The following CADM1 variants were observed in gnomAD, a reference collection of about 807,000 sequenced individuals.
CADM1 encodes the protein TSLC-1.
A neutral mutation model predicts 53.1 loss-of-function variants in CADM1; 15 were observed. The observed-to-expected ratio is 0.28, with a 90% CI of 0.19 to 0.44. The LOEUF (loss-of-function observed/expected upper bound fraction) is 0.44. Among genes scored for constraint, CADM1 ranks in the 20% least tolerant of loss-of-function variants. The probability of loss-of-function intolerance (pLI) is 1.00; values close to 1 mark genes in which losing one functional copy is unlikely to be tolerated. For synonymous variants in CADM1, 281 were observed against 243.0 expected (o/e 1.16, Z -1.45); for missense variants, 434 against 611.3 (o/e 0.71, Z 3.06).
chr11:115,233,413 G>C (rs1175772957), intron 3 of CADM1, among the ~76,000 whole-genome samples: 1 of 152,138 alleles, frequency 6.6e-6, no homozygotes, highest in Non-Finnish European at 1.5e-5. Flanking sequence ...ACTTCAACTA[G>C]CTGTATCTTT....
intron 1 of CADM1, among the ~76,000 whole-genome samples, chr11:115,373,583 C>CAAAAAAAAAAAAAAAAAAAAAA (rs35059216): frequency 2.0e-5 from 1 of 48,830 alleles, no homozygotes; most frequent in Non-Finnish European, 3.6e-5. Context: ...GACTCTGTCT[C>CAAAAAAAAAAAAAAAAAAAAAA]AAAAAAAAAA....
intron 1 of CADM1, among the ~76,000 whole-genome samples, chr11:115,407,029 T>C (rs1219268346): frequency 6.6e-6 from 1 of 152,024 alleles, no homozygotes; most frequent in East Asian, 1.9e-4. Context: ...TGTAATCATC[T>C]AGTGTCGGGT....
chr11:115,348,714 A>C (rs1024495928), intron 1 of CADM1, among the ~76,000 whole-genome samples: 1 of 152,106 alleles, frequency 6.6e-6, no homozygotes, highest in Non-Finnish European at 1.5e-5. Flanking sequence ...CCAATCTTTA[A>C]TTTTCTTTAA....
chr11:115,286,863 G>A, intron 1 of CADM1, among the ~76,000 whole-genome samples: 1 of 152,184 alleles, frequency 6.6e-6, no homozygotes, highest in East Asian at 1.9e-4. Flanking sequence ...TGATTAAAGA[G>A]GCTCCAAAAG....
At chr11:115,231,252 T>C in intron 4 of CADM1, 101 bp downstream of exon 4, 1 of 1,300,934 alleles carries the variant, frequency 7.7e-7, no homozygotes, top group Non-Finnish European at 1.1e-6. Flanking sequence ...AAATGAATAC[T>C]TTTGTTTCAT....
intron 1 of CADM1, among the ~76,000 whole-genome samples, chr11:115,476,072 T>C (rs903339648): frequency 6.6e-6 from 1 of 152,138 alleles, no homozygotes; most frequent in Non-Finnish European, 1.5e-5. Context: ...CTTAGCAAAA[T>C]TTTTAATTAT....
intron 1 of CADM1, among the ~76,000 whole-genome samples, chr11:115,278,415 G>C (rs771449258): frequency 1.3e-5 from 2 of 152,158 alleles, no homozygotes; most frequent in Non-Finnish European, 2.9e-5. Context: ...ACTAGGATAA[G>C]GAGCAGGGCA....
At chr11:115,315,969 G>T (rs543227540) in intron 1 of CADM1, among the ~76,000 whole-genome samples, 2 of 152,040 alleles carry the variant, frequency 1.3e-5, no homozygotes, top group South Asian at 4.1e-4. Context: ...CTTGCTTCCC[G>T]GTGTTGGTTT....
chr11:115,223,946 G>A (rs1941498034), intron 5 of CADM1, among the ~76,000 whole-genome samples: 1 of 126,320 alleles, frequency 7.9e-6, no homozygotes. Flanking sequence ...GGGAGGAAGA[G>A]CGTATTCCGT....
At chr11:115,329,657 C>G (rs1232501393) in intron 1 of CADM1, among the ~76,000 whole-genome samples, 4 of 152,140 alleles carry the variant, frequency 2.6e-5, no homozygotes, top group African/African-American at 9.7e-5. Flanking sequence ...CTGCTGTCCA[C>G]AGACAGCTTA....
chr11:115,420,329 GCTC>G (rs1382197687), intron 1 of CADM1, among the ~76,000 whole-genome samples: 1 of 152,214 alleles, frequency 6.6e-6, no homozygotes, highest in Non-Finnish European at 1.5e-5. Flanking sequence ...ACTTCCTCCT[GCTC>G]CTCAGCTGGT....
At chr11:115,418,440 G>A (rs1359809788) in intron 1 of CADM1, among the ~76,000 whole-genome samples, 1 of 152,092 alleles carries the variant, frequency 6.6e-6, no homozygotes, top group African/African-American at 2.4e-5. Flanking sequence ...TACCCTTACA[G>A]GCTTCCAAAA....
At chr11:115,260,189 C>G (rs918380524) in intron 1 of CADM1, among the ~76,000 whole-genome samples, 4 of 152,092 alleles carry the variant, frequency 2.6e-5, no homozygotes, top group Admixed American at 2.6e-4. Context: ...CTTGGCTTCC[C>G]AAAGTGTTGG....
At chr11:115,233,379 G>C (rs1432183565) in intron 3 of CADM1, among the ~76,000 whole-genome samples, 1 of 152,244 alleles carries the variant, frequency 6.6e-6, no homozygotes, top group East Asian at 1.9e-4. Flanking sequence ...GACACAGAAA[G>C]GCTTTAACAA....
chr11:115,323,290 T>C (rs960927232), intron 1 of CADM1, among the ~76,000 whole-genome samples: 7 of 152,206 alleles, frequency 4.6e-5, no homozygotes, highest in Non-Finnish European at 7.3e-5. Flanking sequence ...GGTAGAAATA[T>C]ATAAAATATT....
At chr11:115,274,682 G>T (rs1943395860) in intron 1 of CADM1, among the ~76,000 whole-genome samples, 1 of 152,180 alleles carries the variant, frequency 6.6e-6, no homozygotes, top group Non-Finnish European at 1.5e-5. Context: ...CACAGGACGA[G>T]ATTTTGATTT....
At chr11:115,322,756 T>C (rs1944856875) in intron 1 of CADM1, among the ~76,000 whole-genome samples, 1 of 152,186 alleles carries the variant, frequency 6.6e-6, no homozygotes, top group Non-Finnish European at 1.5e-5. Flanking sequence ...TGTTTAATGG[T>C]TGCGTAATAT....
intron 5 of CADM1, among the ~76,000 whole-genome samples, chr11:115,228,849 C>T (rs948572562): frequency 2.6e-5 from 4 of 152,086 alleles, no homozygotes; most frequent in African/African-American, 9.7e-5. Context: ...AGTCTATATG[C>T]AAAGAAATTA....
intron 1 of CADM1, among the ~76,000 whole-genome samples, chr11:115,488,088 G>T (rs187541761): frequency 6.6e-6 from 1 of 150,576 alleles, no homozygotes; most frequent in South Asian, 2.1e-4. Flanking sequence ...TAGAAATCAA[G>T]GAAGACATAG....
Sources: allele counts gnomAD v4.1 joint callset (sites outside exome capture counted in the v4.1 genomes callset), GRCh38; gene constraint gnomAD v4.1.1; transcripts MANE v1.5; gene names NCBI Gene and HGNC (gene_info 2026-07-23, HGNC 2026-07-21).